SRP68: variants seen among roughly 807,000 people sequenced by gnomAD.
SRP68 encodes signal recognition particle subunit SRP68.
SRP68 carries 15 observed loss-of-function variants against 82.2 expected under a neutral mutation model. The observed-to-expected ratio is 0.18, with a 90% CI of 0.12 to 0.28. SRP68 has a LOEUF of 0.28. Among genes scored for constraint, SRP68 ranks in the 10% least tolerant of loss-of-function variants. The probability of loss-of-function intolerance (pLI) is 1.00; values close to 1 mark genes in which losing one functional copy is unlikely to be tolerated. For synonymous variants in SRP68, 261 were observed against 292.6 expected, an observed-to-expected ratio of 0.89 and a Z score of 1.10; for missense variants, 595 against 780.5, an observed-to-expected ratio of 0.76 and a Z score of 2.83.
chr17:76,059,754 T>G (rs2066737444), intron 7 of SRP68, among the ~76,000 whole-genome samples: 2 of 141,686 alleles, frequency 1.4e-5, no homozygotes. Context: ...ATCACGCCAC[T>G]GCACTTTAGC....
chr17:76,062,268 C>T (rs1242359354), intron 4 of SRP68, among the ~76,000 whole-genome samples: 3 of 139,758 alleles, frequency 2.1e-5, no homozygotes. Flanking sequence ...ATCTGGGCGA[C>T]AGAGTGAGAC....
chr17:76,061,544 G>A lies in SRP68; in HGVS notation c.592C>T (p.Arg198Cys), dbSNP rs748755372. ...GCTTTCCATTCTTGATGTTCAAAAC[G>A]TAGCATTCCTGAGAGGTAAGCTGTG... ...AYTAYLSGML[R>C]FEHQEWKAAI... Residue 198 changes from arginine (R) to cysteine (C), a missense_variant, in exon 5 of 16, where the codon CGT becomes TGT. This residue lies in a region of SRP68 where 495 missense variants were observed against 688.6 expected (regional missense o/e 0.72). Transcript: ENST00000307877. 2 of 1,614,020 alleles carry A rather than the reference G, an allele frequency of 1.2e-6. No individual in the cohort carries two copies. The highest frequency in any genetic ancestry group is 1.7e-6 in the Non-Finnish European group (2 of 1,179,956).
rs1202083229 is a variant in SRP68 at position 76,071,082 on chromosome 17, T to C, written c.185-638A>G. Reference sequence around the variant, plus strand: ...AAGCTGATGGATTCTAAATGCTGACTATAATTGGGGTGCTTCACACCAATT... The same window carrying C: ...AAGCTGATGGATTCTAAATGCTGACCATAATTGGGGTGCTTCACACCAATT... On this transcript the variant is annotated intron_variant, in intron 1 of 15. Transcript: ENST00000307877. This position sits in a 1 kb window ranked among gnomAD's most constrained non-coding sequence, Gnocchi z 4.7. 6.6e-6 allele frequency among the ~76,000 whole-genome samples: 1 copy of C among 152,204 alleles called. No individual in the cohort carries two copies. The highest frequency in any genetic ancestry group is 6.5e-5 in the Admixed American group (1 of 15,268).
chr17:76,046,480 A>AAAC (rs2066632466), intron 10 of SRP68, among the ~76,000 whole-genome samples: 1 of 146,538 alleles, frequency 6.8e-6, no homozygotes, highest in Non-Finnish European at 1.5e-5. Context: ...AAAAAAAAAA[A>AAAC]AAAACAAAAA....
intron 4 of SRP68, 157 bp from the exon 5 acceptor site, chr17:76,061,731 T>C: frequency 1.9e-6 from 1 of 524,752 alleles, no homozygotes; most frequent in Non-Finnish European, 3.4e-6. Flanking sequence ...GAGGCCCAGG[T>C]GGGAGGATCA....
chr17:76,070,881 A>ACACACACACACAC (rs1555630333), intron 1 of SRP68, among the ~76,000 whole-genome samples: 2 of 88,742 alleles, frequency 2.3e-5, no homozygotes, highest in Non-Finnish European at 2.3e-5. Flanking sequence ...CACACACACA[A>ACACACACACACAC]ATTTGTGAAA....
chr17:76,058,293 G>T (rs2066726546), intron 7 of SRP68, among the ~76,000 whole-genome samples: 1 of 151,856 alleles, frequency 6.6e-6, no homozygotes, highest in African/African-American at 2.4e-5. Flanking sequence ...AGCTAATTTT[G>T]TATTTTTAGT....
chr17:76,065,847 C>G (rs1204675999), intron 3 of SRP68, among the ~76,000 whole-genome samples: 1 of 151,710 alleles, frequency 6.6e-6, no homozygotes, highest in Non-Finnish European at 1.5e-5. Context: ...TTTGCACTGA[C>G]CAACATTTTC....
At chr17:76,050,085 T>G (rs1213483363) in intron 9 of SRP68, among the ~76,000 whole-genome samples, 1 of 152,126 alleles carries the variant, frequency 6.6e-6, no homozygotes. Context: ...GACAAATAGA[T>G]CTGAGGTTTT....
intron 8 of SRP68, among the ~76,000 whole-genome samples, chr17:76,055,101 C>T (rs1041976121): frequency 4.6e-5 from 7 of 151,488 alleles, no homozygotes; most frequent in Non-Finnish European, 7.4e-5. Context: ...GGATTACAGA[C>T]GTCTACCACC....
chr17:76,064,291 A>G (rs1567936097), intron 3 of SRP68, 120 bp from the exon 4 acceptor site: 2 of 801,364 alleles, frequency 2.5e-6, no homozygotes, highest in Admixed American at 2.6e-5. Context: ...GCCACTCTCA[A>G]AACAACTCTT....
intron 7 of SRP68, among the ~76,000 whole-genome samples, 186 bp downstream of exon 7, chr17:76,060,122 T>A (rs2665997): frequency 0.45 from 38,190 of 85,296 alleles, 7,618 homozygotes; most frequent in Admixed American, 0.56. Context: ...CGAGACTCCA[T>A]CTCAAAAAAA....
chr17:76,053,369 A>G, intron 8 of SRP68: 1 of 707,056 alleles, frequency 1.4e-6, no homozygotes, highest in Non-Finnish European at 1.7e-6. Flanking sequence ...TCCAACAAAC[A>G]TGCCAACACC....
chr17:76,062,671 T>A (rs1036973669), intron 4 of SRP68, among the ~76,000 whole-genome samples: 1 of 36,620 alleles, frequency 2.7e-5, no homozygotes, highest in African/African-American at 3.6e-4. Flanking sequence ...ATAATATACA[T>A]TATATAATAT....
intron 13 of SRP68, 134 bp downstream of exon 13, chr17:76,043,695 G>A: frequency 1.1e-6 from 1 of 926,870 alleles, no homozygotes. Context: ...GGCAGTCAGG[G>A]CTACACCAGG....
rs2066749664 is a variant in SRP68 at position 76,061,176 on chromosome 17, C to A, written c.688G>T (p.Ala230Ser). 1.9e-6 allele frequency: 3 copies of A among 1,614,046 alleles called. No homozygotes were observed. Among genetic ancestry groups the A allele is most frequent in the East Asian group, 2.2e-5 (1 of 44,882 alleles). ...KLASAFTEEQ[A>S]VLYNQRVEEI... ...TCCACACGTTGGTTATACAGCACAG[C>A]CTGCTCCTCTGTGAAAGCACTGGCT... is the stretch of plus-strand genomic sequence containing the variant. The change falls in exon 6 of 16, where the codon GCT becomes TCT. Residue 230 changes from alanine (A) to serine (S), a missense_variant. Ala to Ser is a moderately conservative substitution (Grantham distance 99). This residue lies in a region of SRP68 where 495 missense variants were observed against 688.6 expected (regional missense o/e 0.72). Transcript: ENST00000307877.
intron 9 of SRP68, chr17:76,049,241 G>A (rs1284874370): frequency 6.6e-6 from 1 of 152,096 alleles, no homozygotes; most frequent in Non-Finnish European, 1.5e-5. Context: ...TTATGAAGAG[G>A]TAATACTTAA....
chr17:76,064,524 A>G (rs898283686), intron 3 of SRP68, among the ~76,000 whole-genome samples: 1 of 152,028 alleles, frequency 6.6e-6, no homozygotes, highest in Non-Finnish European at 1.5e-5. Flanking sequence ...CTTCATCTCA[A>G]TCCAGTTAGA....
intron 2 of SRP68, among the ~76,000 whole-genome samples, chr17:76,069,919 A>C (rs1224975151): frequency 6.6e-6 from 1 of 151,074 alleles, no homozygotes; most frequent in African/African-American, 2.4e-5. Flanking sequence ...TCTACTAAAA[A>C]TACAAAAATT....
Sources: gnomAD v4.1 joint callset for allele counts (sites outside exome capture counted in the v4.1 genomes callset) on GRCh38, gnomAD v4.1.1 for gene constraint, gnomAD v4.1.1 regional missense constraint, Gnocchi (gnomAD v3.1) non-coding constraint, MANE v1.5 for transcripts, NCBI Gene and HGNC (gene_info 2026-07-23, HGNC 2026-07-21) for gene names.